Variants in NELL1 observed in about 807,000 individuals in gnomAD.
The protein encoded by NELL1 is neural EGFL like 1, also known as protein kinase C-binding protein NELL1.
Under a neutral mutation model 107.4 loss-of-function variants are expected in NELL1, and 76 were observed. The observed-to-expected ratio is 0.71, with a 90% CI of 0.59 to 0.86. The LOEUF (loss-of-function observed/expected upper bound fraction) is 0.86, where lower values mean the gene tolerates loss of function less well. Ranked by LOEUF, NELL1 falls within the 40% of genes least tolerant of loss-of-function variation. NELL1 has a pLI of 0.00. For missense variants in NELL1, 1,024 were observed against 1,005.5 expected, an observed-to-expected ratio of 1.02 and a Z score of -0.25; for synonymous variants, 353 against 341.2, an observed-to-expected ratio of 1.03 and a Z score of -0.38.
intron 13 of NELL1, among the ~76,000 whole-genome samples, chr11:21,126,834 A>G (rs942651307): frequency 6.6e-6 from 1 of 152,220 alleles, no homozygotes. Flanking sequence ...TAACAAGGAG[A>G]TGATGTAGTG....
chr11:20,959,810 A>G (rs1851253475), intron 11 of NELL1, among the ~76,000 whole-genome samples: 1 of 152,212 alleles, frequency 6.6e-6, no homozygotes, highest in Admixed American at 6.5e-5. Flanking sequence ...AAACCTATGG[A>G]TATGAAATAT....
At chr11:20,672,503 C>T (rs144775296) in intron 1 of NELL1, among the ~76,000 whole-genome samples, 1 of 152,342 alleles carries the variant, frequency 6.6e-6, no homozygotes, top group East Asian at 1.9e-4. Flanking sequence ...CTGCTTAAAT[C>T]TGCCTTGTTC....
At chr11:20,678,749 T>A (rs1854123175) in intron 2 of NELL1, among the ~76,000 whole-genome samples, 1 of 152,042 alleles carries the variant, frequency 6.6e-6, no homozygotes, top group African/African-American at 2.4e-5. Flanking sequence ...GGCAGAAAAA[T>A]AACTAGCTAG....
At chr11:21,189,941 G>T (rs1857014755) in intron 13 of NELL1, among the ~76,000 whole-genome samples, 1 of 151,862 alleles carries the variant, frequency 6.6e-6, no homozygotes, top group Non-Finnish European at 1.5e-5. Context: ...TCTGTGGATT[G>T]TGGAAAGACA....
At chr11:21,440,946 A>G (rs1453226735) in intron 15 of NELL1, among the ~76,000 whole-genome samples, 8 of 152,166 alleles carry the variant, frequency 5.3e-5, no homozygotes, top group Admixed American at 1.3e-4. Context: ...TAACAACTAC[A>G]TTTACCTGAG....
intron 2 of NELL1, among the ~76,000 whole-genome samples, chr11:20,704,761 C>T (rs10833381): frequency 0.44 from 67,289 of 151,854 alleles, 16,646 homozygotes; most frequent in Middle Eastern, 0.61. Flanking sequence ...CCTTCACTTA[C>T]GAAGCTTAGT....
At chr11:20,702,977 TG>T in intron 2 of NELL1, among the ~76,000 whole-genome samples, 1 of 152,176 alleles carries the variant, frequency 6.6e-6, no homozygotes. Flanking sequence ...TCTCTTTTTT[TG>T]TTGTGTCTCT....
At chr11:21,365,547 G>A (rs141787427) in intron 14 of NELL1, among the ~76,000 whole-genome samples, 145 of 152,230 alleles carry the variant, frequency 9.5e-4, no homozygotes, top group African/African-American at 3.3e-3. Flanking sequence ...TAGTATTGCT[G>A]TCATTATTAT....
intron 2 of NELL1, among the ~76,000 whole-genome samples, chr11:20,703,972 T>C (rs2133885271): frequency 6.6e-6 from 1 of 152,352 alleles, no homozygotes; most frequent in East Asian, 1.9e-4. Context: ...GAGAAGAATG[T>C]ATATTCTGTT....
chr11:21,245,058 C>T (rs76443580), intron 14 of NELL1, among the ~76,000 whole-genome samples: 1,674 of 152,236 alleles, frequency 0.011, 29 homozygotes, highest in African/African-American at 0.038. Context: ...TGCCATGCAT[C>T]CTTCTTACAT....
At chr11:21,286,897 G>A (rs535341913) in intron 14 of NELL1, among the ~76,000 whole-genome samples, 14 of 152,266 alleles carry the variant, frequency 9.2e-5, no homozygotes, top group Non-Finnish European at 1.5e-4. Context: ...CAAAATATGA[G>A]TGTTATGGTT....
intron 3 of NELL1, among the ~76,000 whole-genome samples, chr11:20,819,676 C>T (rs1292201331): frequency 6.6e-6 from 1 of 152,194 alleles, no homozygotes; most frequent in Admixed American, 6.5e-5. Context: ...TCGATAAGTT[C>T]CCCTTCTTTA....
chr11:20,707,587 C>G (rs1314657846), intron 2 of NELL1, among the ~76,000 whole-genome samples: 1 of 152,328 alleles, frequency 6.6e-6, no homozygotes, highest in South Asian at 2.1e-4. Flanking sequence ...TTCCTTCTAA[C>G]AGTCAGGACC....
chr11:21,409,280 A>G (rs929542231), intron 15 of NELL1, among the ~76,000 whole-genome samples: 3 of 152,248 alleles, frequency 2.0e-5, no homozygotes, highest in African/African-American at 7.2e-5. Context: ...TGTCCTTTGT[A>G]GGGACATGGA....
At chr11:21,370,992 G>A (rs746413717) in intron 15 of NELL1, 44 bp downstream of exon 15, 2 of 1,382,476 alleles carry the variant, frequency 1.4e-6, no homozygotes, top group Non-Finnish European at 2.0e-6. Context: ...AAGATTGGTA[G>A]AAAGATTGAT....
intron 12 of NELL1, among the ~76,000 whole-genome samples, chr11:21,094,160 A>G (rs1278456640): frequency 6.6e-6 from 1 of 152,192 alleles, no homozygotes; most frequent in African/African-American, 2.4e-5. Flanking sequence ...GCCAAAGCAA[A>G]GGGGCTACAG....
At chr11:21,208,215 TAAAAC>T (rs944803019) in intron 13 of NELL1, among the ~76,000 whole-genome samples, 28 of 151,938 alleles carry the variant, frequency 1.8e-4, no homozygotes, top group African/African-American at 4.8e-4. Flanking sequence ...TCTTTTTTCT[TAAAAC>T]AAAACACAAT....
At chr11:21,162,910 T>C (rs1193759307) in intron 13 of NELL1, among the ~76,000 whole-genome samples, 1 of 152,218 alleles carries the variant, frequency 6.6e-6, no homozygotes, top group African/African-American at 2.4e-5. Context: ...AAATCACAGC[T>C]GGTATATACC....
intron 4 of NELL1, among the ~76,000 whole-genome samples, chr11:20,878,500 C>G (rs1055835952): frequency 2.0e-5 from 3 of 151,914 alleles, no homozygotes; most frequent in Admixed American, 6.6e-5. Context: ...TTTTCTATCT[C>G]TATCTCTTTT....
Sources: gnomAD v4.1 joint callset for allele counts (sites outside exome capture counted in the v4.1 genomes callset) on GRCh38, gnomAD v4.1.1 for gene constraint, MANE v1.5 for transcripts, NCBI Gene and HGNC (gene_info 2026-07-23, HGNC 2026-07-21) for gene names.